ELP4: variants seen among roughly 807,000 people sequenced by gnomAD.
ELP4 encodes the protein elongator acetyltransferase complex subunit 4, also known as elongator complex protein 4.
In ELP4, 51 loss-of-function variants were observed where a neutral mutation model predicts 48.9. The observed-to-expected ratio is 1.04, with a 90% confidence interval of 0.83 to 1.32. ELP4 has a LOEUF of 1.32. Among genes scored for constraint, ELP4 ranks in the 40% most tolerant of loss-of-function variants. The pLI, the probability that ELP4 is intolerant of heterozygous loss-of-function variation, is 0.00. For missense variants in ELP4, 519 were observed against 514.6 expected (o/e 1.01, Z -0.08); for synonymous variants, 210 against 189.2 (o/e 1.11, Z -0.90).
intron 9 of ELP4, among the ~76,000 whole-genome samples, chr11:31,721,621 G>A (rs1323178848): frequency 6.6e-6 from 1 of 151,934 alleles, no homozygotes; most frequent in South Asian, 2.1e-4. Flanking sequence ...CTGAAGCAGT[G>A]GCAGGTCTTG....
rs541704029 is a variant in ELP4 at position 31,595,694 on chromosome 11, A to C, written c.513+793A>C. Among the ~76,000 whole-genome samples, 8 of 152,262 alleles carry C rather than the reference A, an allele frequency of 5.3e-5. No individual in the cohort carries two copies. The South Asian group carries it at 8.3e-4, about 16-fold the overall frequency. ...TTCTAAATAAATAGCAGACTGTAGT[A>C]CCCTCTAATACTATGCTGCCAAACT... is the stretch of plus-strand genomic sequence containing the variant. On this transcript the variant is annotated intron_variant, in intron 4 of 9. Transcript: ENST00000640961.
chr11:31,718,906 G>A (rs1383807953), intron 9 of ELP4, among the ~76,000 whole-genome samples: 2 of 152,206 alleles, frequency 1.3e-5, no homozygotes, highest in African/African-American at 4.8e-5. Flanking sequence ...CTTAATTGTG[G>A]AGGAGCAAGG....
intron 5 of ELP4, among the ~76,000 whole-genome samples, chr11:31,607,734 C>T (rs974428347): frequency 3.9e-5 from 6 of 152,150 alleles, no homozygotes; most frequent in Non-Finnish European, 8.8e-5. Flanking sequence ...ATATGTTTCT[C>T]TGAATTTCAA....
intron 9 of ELP4, among the ~76,000 whole-genome samples, chr11:31,700,394 CATT>C (rs906419119): frequency 4.0e-5 from 6 of 151,740 alleles, no homozygotes; most frequent in African/African-American, 1.2e-4. Flanking sequence ...ACATCATAAA[CATT>C]AATATTTATG....
intron 3 of ELP4, among the ~76,000 whole-genome samples, chr11:31,574,851 G>A (rs572879540): frequency 1.3e-5 from 2 of 152,326 alleles, no homozygotes; most frequent in South Asian, 4.1e-4. Context: ...CAGAAAAGGT[G>A]AAAATCCTAA....
chr11:31,659,777 C>A (rs1490502783), intron 9 of ELP4, among the ~76,000 whole-genome samples: 4 of 152,034 alleles, frequency 2.6e-5, no homozygotes, highest in Non-Finnish European at 5.9e-5. Flanking sequence ...CACTTGAGGT[C>A]AGGGGTTCGA....
In ELP4 at chr11:31,789,721, T is replaced by C. The variant is rs539058643; in HGVS notation, c.*6197T>C. 1.2e-4 allele frequency: 82 copies of C among 704,972 alleles called. No individual in the cohort carries two copies. Among genetic ancestry groups the C allele is most frequent in the East Asian group, 2.7e-5 (1 of 37,272 alleles). 43.7% of individuals were successfully genotyped at this position (704,972 alleles called of 1,614,324 possible). ...AAAAGTTTGGATACCAAAATGAAGA[T>C]TTGTTCCAACTGATATCGTGCCTTC... On this transcript the variant is annotated 3_prime_UTR_variant, in exon 10 of 10. Coordinates refer to ENST00000640961, the MANE Select transcript of ELP4 (RefSeq NM_019040.5).
chr11:31,570,068 C>T (rs1050863139), intron 3 of ELP4, among the ~76,000 whole-genome samples: 4 of 152,150 alleles, frequency 2.6e-5, no homozygotes, highest in African/African-American at 9.7e-5. Flanking sequence ...TATGTATATA[C>T]ATTGTAGCAC....
At position 31,660,804 on chromosome 11, in the gene ELP4, A is replaced by C. The variant is rs917850979; in HGVS notation, c.1143+10583A>C. Among the ~76,000 whole-genome samples, 6 of 152,086 alleles carry C rather than the reference A, an allele frequency of 3.9e-5. No homozygotes were observed. The East Asian group carries it at 1.2e-3, about 29-fold the overall frequency. On this transcript the variant is annotated intron_variant, in intron 9 of 9. Transcript: ENST00000640961. Reference sequence around the variant, plus strand: ...CATTGAGATTCAAAATTTGTCATGCATAAGTATGAAAAAGGAATCCAACTA... The same window carrying C: ...CATTGAGATTCAAAATTTGTCATGCCTAAGTATGAAAAAGGAATCCAACTA...
intron 8 of ELP4, chr11:31,649,101 G>A (rs974137722): frequency 6.6e-6 from 1 of 151,528 alleles, no homozygotes; most frequent in Non-Finnish European, 1.5e-5. Context: ...AAATTTTCAG[G>A]TATTTTAGTT....
intron 9 of ELP4, among the ~76,000 whole-genome samples, chr11:31,770,261 A>G (rs1273621933): frequency 6.6e-6 from 1 of 152,198 alleles, no homozygotes; most frequent in African/African-American, 2.4e-5. Flanking sequence ...ACCCAGCTAC[A>G]CAATTAAGGA....
In ELP4 at chr11:31,594,824, G is replaced by T. The variant is rs144056743; in HGVS notation, c.436G>T (p.Val146Leu). ...ATGTAAAAAGGAATTTGATGAAGATGTATACAATCATAAAACACCAGAATC... is the reference window on the plus strand; with the variant it reads ...ATGTAAAAAGGAATTTGATGAAGATTTATACAATCATAAAACACCAGAATC... The part of the protein sequence containing the change: ...DKCKKEFDED[V>L]YNHKTPESNI... The change falls in exon 4 of 10, where the codon GTA becomes TTA. Residue 146 changes from valine (V) to leucine (L), a missense_variant. Val to Leu is a conservative substitution (Grantham distance 32). Coordinates refer to ENST00000640961, the MANE Select transcript of ELP4 (RefSeq NM_019040.5). 4.1e-5 allele frequency: 63 copies of T among 1,550,366 alleles called. No individual in the cohort carries two copies. The African/African-American group carries it at 7.4e-4, about 18-fold the overall frequency.
At chr11:31,752,041 A>C (rs1947732712) in intron 9 of ELP4, among the ~76,000 whole-genome samples, 1 of 152,228 alleles carries the variant, frequency 6.6e-6, no homozygotes, top group Admixed American at 6.5e-5. Context: ...AGTATTATCA[A>C]AACTAGATAG....
At chr11:31,601,041 A>G (rs994281600) in intron 4 of ELP4, among the ~76,000 whole-genome samples, 2 of 152,194 alleles carry the variant, frequency 1.3e-5, no homozygotes, top group African/African-American at 4.8e-5. Flanking sequence ...CATAATGTAA[A>G]ACTAAAGCAA....
At chr11:31,511,970 G>T (rs1253039602) in intron 1 of ELP4, 1 of 152,202 alleles carries the variant, frequency 6.6e-6, no homozygotes, top group Non-Finnish European at 1.5e-5. Context: ...CATGTATGCA[G>T]TGAATTCTCA....
chr11:31,666,053 G>A (rs1415500968), intron 9 of ELP4, among the ~76,000 whole-genome samples: 1 of 119,594 alleles, frequency 8.4e-6, no homozygotes, highest in Non-Finnish European at 1.6e-5. Flanking sequence ...CTGTCCCCCA[G>A]GCTGGAGTAC....
chr11:31,664,901 G>A (rs4922571), intron 9 of ELP4, among the ~76,000 whole-genome samples: 92,217 of 151,978 alleles, frequency 0.61, 31,735 homozygotes, highest in Non-Finnish European at 0.76. Flanking sequence ...ATTAATCAAT[G>A]CGCAATTAAT....
intron 3 of ELP4, among the ~76,000 whole-genome samples, chr11:31,571,808 G>GT (rs751173900): frequency 2.0e-5 from 3 of 152,152 alleles, no homozygotes; most frequent in Non-Finnish European, 2.9e-5. Flanking sequence ...TGAAAGGATT[G>GT]TTTTTTCTGA....
In ELP4 at chr11:31,596,752, A is replaced by G. The variant is rs573104887; in HGVS notation, c.513+1851A>G. 2.6e-5 allele frequency among the ~76,000 whole-genome samples: 4 copies of G among 152,328 alleles called. No individual in the cohort carries two copies. The South Asian group carries it at 6.2e-4, about 24-fold the overall frequency. On this transcript the variant is annotated intron_variant, in intron 4 of 9. Coordinates refer to ENST00000640961, the MANE Select transcript of ELP4 (RefSeq NM_019040.5). The stretch of plus-strand genomic sequence containing the variant: ...ACAAACTACAAATTTAAGAGAGAAT[A>G]TTTACAACTCAAATTATAAAATAAG...
Sources: gnomAD v4.1 joint callset for allele counts (sites outside exome capture counted in the v4.1 genomes callset) on GRCh38, gnomAD v4.1.1 for gene constraint, MANE v1.5 for transcripts, NCBI Gene and HGNC (gene_info 2026-07-23, HGNC 2026-07-21) for gene names.